BRINP1: variants seen among roughly 807,000 people sequenced by gnomAD.
BRINP1 encodes the protein BMP/retinoic acid inducible neural specific 1, also known as BMP/retinoic acid-inducible neural-specific protein 1.
Under a neutral mutation model 72.9 loss-of-function variants are expected in BRINP1, and 17 were observed. That is an observed-to-expected ratio of 0.23 (90% CI 0.16 to 0.35). The LOEUF (loss-of-function observed/expected upper bound fraction) is 0.35. BRINP1 is among the 10% of genes least tolerant of loss of function. BRINP1 has a pLI of 1.00. For missense variants in BRINP1, 850 were observed against 1,001.6 expected (o/e 0.85, Z 2.04); for synonymous variants, 418 against 378.5 (o/e 1.10, Z -1.21).
chr9:119,234,322 T>C (rs748919390), intron 5 of BRINP1, among the ~76,000 whole-genome samples: 2 of 152,098 alleles, frequency 1.3e-5, no homozygotes, highest in African/African-American at 4.8e-5. Context: ...CATTGCTGTG[T>C]TATATTAAAT....
intron 4 of BRINP1, 24 bp downstream of exon 4, chr9:119,242,023 C>A: frequency 6.2e-7 from 1 of 1,608,490 alleles, no homozygotes; most frequent in Non-Finnish European, 8.5e-7. Context: ...GAACCTGTCG[C>A]CCAAATCCAC....
At chr9:119,264,347 T>G (rs911846699) in intron 2 of BRINP1, among the ~76,000 whole-genome samples, 2 of 152,228 alleles carry the variant, frequency 1.3e-5, no homozygotes, top group Non-Finnish European at 2.9e-5. Flanking sequence ...GTCCCCCTGA[T>G]TCTACCTTGA....
chr9:119,367,219 T>TATA lies in BRINP1; in HGVS notation c.-51+1836_-51+1837insTAT, dbSNP rs1219045184. On this transcript the variant is annotated intron_variant, in intron 1 of 7. Transcript: ENST00000265922. The stretch of plus-strand genomic sequence containing the variant: ...TGTGTGTGTGTGTGTGTGTGTGTGA[T>TATA]TGATATATATATATATATATATATC... Among the ~76,000 whole-genome samples the TATA allele has an allele frequency of 7.1e-5, 4 of 56,506 alleles. 1 individual carries two copies. The highest frequency in any genetic ancestry group is 1.5e-4 in the Non-Finnish European group (4 of 25,828). 37.1% of individuals were successfully genotyped at this position (56,506 alleles called of 152,430 possible).
intron 2 of BRINP1, among the ~76,000 whole-genome samples, chr9:119,278,085 G>C (rs1409435445): frequency 1.3e-5 from 2 of 152,028 alleles, no homozygotes; most frequent in African/African-American, 4.8e-5. Flanking sequence ...TTTCCCTACT[G>C]TTTTTCTTTC....
At chr9:119,175,008 C>A (rs910801375) in intron 7 of BRINP1, among the ~76,000 whole-genome samples, 1 of 148,378 alleles carries the variant, frequency 6.7e-6, no homozygotes, top group African/African-American at 2.5e-5. Context: ...GGGAGATATA[C>A]CTAATGCTAG....
intron 2 of BRINP1, among the ~76,000 whole-genome samples, chr9:119,252,056 T>A (rs1392083010): frequency 1.3e-5 from 2 of 152,162 alleles, no homozygotes; most frequent in Non-Finnish European, 2.9e-5. Flanking sequence ...TTGCATTGGC[T>A]TTCCCGCTCT....
At chr9:119,274,618 T>A (rs1184700371) in intron 2 of BRINP1, among the ~76,000 whole-genome samples, 1 of 152,122 alleles carries the variant, frequency 6.6e-6, no homozygotes, top group African/African-American at 2.4e-5. Flanking sequence ...TGTACCAGGG[T>A]CCTTATTTGT....
At chr9:119,174,826 A>T (rs898089225) in intron 7 of BRINP1, among the ~76,000 whole-genome samples, 2 of 151,440 alleles carry the variant, frequency 1.3e-5, no homozygotes, top group Non-Finnish European at 2.9e-5. Context: ...AGGGACATGG[A>T]TGAAATTGGA....
chr9:119,214,223 A>G (rs1829957156), intron 5 of BRINP1, 68 bp from the exon 6 acceptor site: 1 of 1,162,120 alleles, frequency 8.6e-7, no homozygotes, highest in East Asian at 2.4e-5. Context: ...ACAATTTCCA[A>G]AGGTGATACA....
intron 7 of BRINP1, among the ~76,000 whole-genome samples, chr9:119,199,797 C>G (rs1265700383): frequency 1.9e-5 from 1 of 53,146 alleles, no homozygotes; most frequent in Non-Finnish European, 3.6e-5. Context: ...TTTTCTTGTT[C>G]TTCTTTTTTT....
intron 2 of BRINP1, among the ~76,000 whole-genome samples, chr9:119,279,300 C>T (rs1395184959): frequency 6.6e-6 from 1 of 152,238 alleles, no homozygotes; most frequent in Non-Finnish European, 1.5e-5. Context: ...TAAACTTCCA[C>T]TCCTTTAGAA....
intron 5 of BRINP1, among the ~76,000 whole-genome samples, chr9:119,218,746 ATTTT>A (rs10685419): frequency 3.7e-5 from 5 of 133,374 alleles, no homozygotes; most frequent in African/African-American, 2.9e-5. Context: ...AAACTCAGGG[ATTTT>A]TTTTTTTTTT....
intron 2 of BRINP1, among the ~76,000 whole-genome samples, chr9:119,269,608 G>T (rs1157545414): frequency 6.6e-6 from 1 of 152,088 alleles, no homozygotes; most frequent in Non-Finnish European, 1.5e-5. Context: ...AATCCTCAAG[G>T]CTGCCTTATG....
At chr9:119,306,747 T>C (rs1831001371) in intron 2 of BRINP1, among the ~76,000 whole-genome samples, 1 of 152,084 alleles carries the variant, frequency 6.6e-6, no homozygotes, top group South Asian at 2.1e-4. Flanking sequence ...GGAGAGCTAG[T>C]TTGCCTTAAC....
chr9:119,334,007 C>T (rs187081034), intron 1 of BRINP1, among the ~76,000 whole-genome samples: 1 of 152,260 alleles, frequency 6.6e-6, no homozygotes, highest in East Asian at 1.9e-4. Context: ...AAAGGAAATG[C>T]CTGGTCTATT....
chr9:119,360,202 T>C lies in BRINP1; in HGVS notation c.-51+8854A>G, dbSNP rs202214806. Among the ~76,000 whole-genome samples the C allele has an allele frequency of 2.6e-5, 4 of 152,342 alleles. No individual in the cohort carries two copies. In the East Asian group the frequency reaches 5.8e-4, roughly 22 times the overall value. ...TGGACCACTTCACCTAAAAGAACTG[T>C]GTCTCCAAAATGTGTCCCAGCAGCA... On this transcript the variant is annotated intron_variant, in intron 1 of 7. Coordinates refer to ENST00000265922, the MANE Select transcript of BRINP1 (RefSeq NM_014618.3).
At chr9:119,211,164 CTTTA>C (rs71506209) in intron 6 of BRINP1, among the ~76,000 whole-genome samples, 52,587 of 146,976 alleles carry the variant, frequency 0.36, 9,747 homozygotes, top group East Asian at 0.53. Flanking sequence ...AATACATTAA[CTTTA>C]TTTATTTATT....
chr9:119,274,746 C>T (rs2118955197), intron 2 of BRINP1, among the ~76,000 whole-genome samples: 1 of 152,182 alleles, frequency 6.6e-6, no homozygotes, highest in East Asian at 1.9e-4. Context: ...AACTGAAGCA[C>T]AGAGAAGTTA....
intron 1 of BRINP1, among the ~76,000 whole-genome samples, chr9:119,350,431 C>T (rs563757133): frequency 4.6e-5 from 7 of 152,190 alleles, no homozygotes; most frequent in Admixed American, 2.0e-4. Flanking sequence ...ACTAAGTTGC[C>T]GCTCTCTATC....
Sources: allele counts gnomAD v4.1 joint callset (sites outside exome capture counted in the v4.1 genomes callset), GRCh38; gene constraint gnomAD v4.1.1; transcripts MANE v1.5; gene names NCBI Gene and HGNC (gene_info 2026-07-23, HGNC 2026-07-21).